PDGFRA: variants seen among roughly 807,000 people sequenced by gnomAD.
The protein encoded by PDGFRA is platelet-derived growth factor receptor alpha.
PDGFRA carries 25 observed loss-of-function variants against 121.5 expected under a neutral mutation model. The ratio of observed to expected loss-of-function variants is 0.21; its 90% CI spans 0.15 to 0.29. The LOEUF (loss-of-function observed/expected upper bound fraction) is 0.29, where lower values mean the gene tolerates loss of function less well. PDGFRA is among the 10% of genes least tolerant of loss of function. The pLI is 1.00. For missense variants in PDGFRA, 1,008 were observed against 1,345.1 expected, an observed-to-expected ratio of 0.75 and a Z score of 3.92; for synonymous variants, 463 against 494.8, an observed-to-expected ratio of 0.94 and a Z score of 0.85.
At chr4:54,258,703 C>A (rs2303429) in intron 1 of PDGFRA, 54 bp from the exon 2 acceptor site, 2 of 1,049,882 alleles carry the variant, frequency 1.9e-6, no homozygotes, top group Non-Finnish European at 3.0e-6. Flanking sequence ...GAACTAGGCT[C>A]CAGGGTTGTT....
At chr4:54,233,955 G>C (rs1720859892) in intron 1 of PDGFRA, among the ~76,000 whole-genome samples, 1 of 152,226 alleles carries the variant, frequency 6.6e-6, no homozygotes, top group Admixed American at 6.5e-5. Flanking sequence ...CGCGCGGACA[G>C]ATAGGACAGC....
intron 1 of PDGFRA, among the ~76,000 whole-genome samples, chr4:54,238,581 C>T (rs1335090779): frequency 2.6e-5 from 4 of 152,182 alleles, no homozygotes; most frequent in Non-Finnish European, 5.9e-5. Flanking sequence ...TGCTGGGCTG[C>T]ATTCCCAGGA....
chr4:54,243,887 TA>T (rs913627028), intron 1 of PDGFRA, among the ~76,000 whole-genome samples: 1 of 152,072 alleles, frequency 6.6e-6, no homozygotes, highest in Non-Finnish European at 1.5e-5. Context: ...CCGACGGGCT[TA>T]AAAAAAGGCA....
At chr4:54,260,409 T>G (rs796629019) in intron 2 of PDGFRA, among the ~76,000 whole-genome samples, 15 of 101,396 alleles carry the variant, frequency 1.5e-4, no homozygotes, top group East Asian at 5.9e-4. Context: ...TTTTTTTTTT[T>G]TTTTTTTTTT....
rs181845940 is a variant in PDGFRA at position 54,292,257 on chromosome 4, T to C, written c.3122+1703T>C. Among the ~76,000 whole-genome samples the C allele has an allele frequency of 3.6e-4, 55 of 152,194 alleles. 1 individual carries two copies. Among genetic ancestry groups the C allele is most frequent in the African/African-American group, 1.2e-3 (48 of 41,524 alleles). On this transcript the variant is annotated intron_variant, in intron 22 of 22. Coordinates refer to ENST00000257290, the MANE Select transcript of PDGFRA (RefSeq NM_006206.6). The stretch of plus-strand genomic sequence containing the variant: ...TGCACTGTTCACAATAGCAAAATCA[T>C]GGAATCAACCTAAATGCCCATCAAT...
intron 1 of PDGFRA, among the ~76,000 whole-genome samples, chr4:54,254,599 C>A (rs1319170649): frequency 1.3e-5 from 2 of 152,154 alleles, no homozygotes; most frequent in Non-Finnish European, 2.9e-5. Context: ...GCAAGCCTTG[C>A]CAAAGAAATA....
chr4:54,255,870 G>A (rs949494974), intron 1 of PDGFRA, among the ~76,000 whole-genome samples: 5 of 151,832 alleles, frequency 3.3e-5, no homozygotes, highest in African/African-American at 7.3e-5. Flanking sequence ...TTATGTATAC[G>A]TATTTTAGCT....
At position 54,258,703 on chromosome 4, in the gene PDGFRA, C is replaced by T. The variant is rs2303429; in HGVS notation, c.-12-54C>T. ...TGCAAAACACAAAGAGAACTAGGCT[C>T]CAGGGTTGTTTCTATTTGCTAATGC... On this transcript the variant is annotated intron_variant, in intron 1 of 22. Coordinates refer to ENST00000257290, the MANE Select transcript of PDGFRA (RefSeq NM_006206.6). The T allele has an allele frequency of 4.6e-3, 4,828 of 1,049,998 alleles. 205 individuals are homozygous for T. The East Asian group carries it at 0.092, about 20-fold the overall frequency. 65.0% of individuals were successfully genotyped at this position (1,049,998 alleles called of 1,614,324 possible).
At chr4:54,281,350 G>A (rs886260376) in intron 16 of PDGFRA, among the ~76,000 whole-genome samples, 14 of 152,192 alleles carry the variant, frequency 9.2e-5, no homozygotes, top group Non-Finnish European at 1.6e-4. Context: ...TGCTCTGAAT[G>A]TTTTCAGGTT....
At chr4:54,245,266 TC>T (rs921906397) in intron 1 of PDGFRA, among the ~76,000 whole-genome samples, 1 of 152,022 alleles carries the variant, frequency 6.6e-6, no homozygotes, top group African/African-American at 2.4e-5. Context: ...CACATAATTG[TC>T]AGATTCACCA....
chr4:54,257,917 C>T (rs553264454), intron 1 of PDGFRA, among the ~76,000 whole-genome samples: 14 of 152,190 alleles, frequency 9.2e-5, no homozygotes, highest in Middle Eastern at 3.4e-3. Context: ...ACTCAATTTC[C>T]GTCTCTTTCT....
At chr4:54,249,727 T>G (rs189963834) in intron 1 of PDGFRA, among the ~76,000 whole-genome samples, 1 of 152,138 alleles carries the variant, frequency 6.6e-6, no homozygotes, top group East Asian at 1.9e-4. Flanking sequence ...ATGGCACATG[T>G]ATACATATGT....
chr4:54,264,834 TAAAAA>T, intron 4 of PDGFRA, 80 bp from the exon 5 acceptor site: 5 of 1,032,694 alleles, frequency 4.8e-6, no homozygotes, highest in African/African-American at 1.7e-5. Flanking sequence ...AGGGTTTTCT[TAAAAA>T]AAAAAAAAAA....
intron 1 of PDGFRA, among the ~76,000 whole-genome samples, chr4:54,240,348 A>G (rs1015322963): frequency 6.6e-6 from 1 of 152,156 alleles, no homozygotes; most frequent in African/African-American, 2.4e-5. Flanking sequence ...GTTAGGTCTC[A>G]TGCTTTTGGG....
intron 7 of PDGFRA, among the ~76,000 whole-genome samples, chr4:54,268,806 A>T (rs1723176419): frequency 1.3e-5 from 2 of 152,230 alleles, no homozygotes; most frequent in South Asian, 4.1e-4. Flanking sequence ...GCCAGAGAGG[A>T]ATAGGGTAAC....
At chr4:54,266,393 CTTTT>C (rs1034339575) in intron 5 of PDGFRA, among the ~76,000 whole-genome samples, 187 of 144,798 alleles carry the variant, frequency 1.3e-3, no homozygotes, top group Non-Finnish European at 2.4e-3. Flanking sequence ...GTATTTCTTT[CTTTT>C]TTTTTTCTTT....
Position 54,263,918 on chromosome 4 carries a change from G to A in PDGFRA, c.619G>A (p.Ala207Thr), listed in dbSNP as rs2110253986. 2 of 1,613,658 alleles carry A rather than the reference G, an allele frequency of 1.2e-6. No individual in the cohort carries two copies. Among genetic ancestry groups the A allele is most frequent in the Non-Finnish European group, 1.7e-6 (2 of 1,179,864 alleles). Residue 207 changes from alanine (A) to threonine (T), a missense_variant, in exon 4 of 23, where the codon GCT (alanine) becomes ACT (threonine). By Grantham distance (58) the Ala-to-Thr change is moderately conservative (BLOSUM62 0). Around this residue, in one of 5 missense-constraint regions of PDGFRA, gnomAD observed 575 missense variants for 701.8 expected, o/e 0.82. Coordinates refer to ENST00000257290, the MANE Select transcript of PDGFRA (RefSeq NM_006206.6). ...CCAGACCATCCCATTTAATGTTTAT[G>A]CTTTAAAAGGTACTTGTATCATCTC... ...KFQTIPFNVY[A>T]LKATSELDLE...
In PDGFRA at chr4:54,274,559, T is replaced by A. The variant is rs1553904352; in HGVS notation, c.1587T>A (p.Ala529=). ...PTLRSELTVA[A]AVLVLLVIVI... Reference sequence around the variant, plus strand: ...TGCGTTCTGAACTCACGGTGGCTGCTGCAGTCCTGGTGCTGTTGGTGATTG... The same window carrying A: ...TGCGTTCTGAACTCACGGTGGCTGCAGCAGTCCTGGTGCTGTTGGTGATTG... The change falls in exon 11 of 23, where the codon GCT becomes GCA. Residue 529 remains alanine (A), a synonymous_variant. Transcript: ENST00000257290. The A allele has an allele frequency of 3.1e-6, 5 of 1,614,014 alleles. No individual in the cohort carries two copies. Among genetic ancestry groups the A allele is most frequent in the Non-Finnish European group, 3.4e-6 (4 of 1,179,892 alleles).
At chr4:54,236,620 G>A (rs1407195984) in intron 1 of PDGFRA, among the ~76,000 whole-genome samples, 1 of 152,122 alleles carries the variant, frequency 6.6e-6, no homozygotes. Flanking sequence ...TGACCAACAT[G>A]GTGAAACCCT....
Sources: gnomAD v4.1 joint callset for allele counts (sites outside exome capture counted in the v4.1 genomes callset) on GRCh38, gnomAD v4.1.1 for gene constraint, gnomAD v4.1.1 regional missense constraint, MANE v1.5 for transcripts, NCBI Gene and HGNC (gene_info 2026-07-23, HGNC 2026-07-21) for gene names.